MMS22L: variants seen among roughly 807,000 people sequenced by gnomAD.
MMS22L encodes the protein MMS22 like, DNA repair protein, also known as protein MMS22-like.
Under a neutral mutation model 159.1 loss-of-function variants are expected in MMS22L, and 74 were observed. That is an observed-to-expected ratio of 0.47 (90% confidence interval 0.39 to 0.56). The LOEUF (loss-of-function observed/expected upper bound fraction) is 0.56, where lower values mean the gene tolerates loss of function less well. MMS22L is among the 20% of genes least tolerant of loss of function. MMS22L has a pLI of 0.00. For synonymous variants in MMS22L, 517 were observed against 506.9 expected (o/e 1.02, Z -0.27); for missense variants, 1,351 against 1,422.1 (o/e 0.95, Z 0.80).
intron 22 of MMS22L, among the ~76,000 whole-genome samples, chr6:97,153,711 A>G (rs927068958): frequency 1.5e-4 from 23 of 152,134 alleles, no homozygotes; most frequent in African/African-American, 5.3e-4. Context: ...TTTCAAATAA[A>G]TGAAATAATA....
intron 9 of MMS22L, chr6:97,259,105 C>CAT (rs1297312366): frequency 2.0e-5 from 3 of 152,120 alleles, no homozygotes; most frequent in East Asian, 1.9e-4. Context: ...CAATTGAACA[C>CAT]ATATATATAC....
intron 9 of MMS22L, among the ~76,000 whole-genome samples, chr6:97,255,631 T>C (rs1813716245): frequency 2.0e-5 from 3 of 152,212 alleles, no homozygotes; most frequent in East Asian, 1.9e-4. Flanking sequence ...TTCCCTCTAA[T>C]TATAACTTTT....
chr6:97,173,493 A>G (rs745525660), intron 18 of MMS22L, among the ~76,000 whole-genome samples: 1 of 152,144 alleles, frequency 6.6e-6, no homozygotes, highest in South Asian at 2.1e-4. Context: ...TTAGCAAAAT[A>G]TCAGTGAAAA....
At chr6:97,272,550 A>C in intron 6 of MMS22L, 154 bp downstream of exon 6, 1 of 624,696 alleles carries the variant, frequency 1.6e-6, no homozygotes, top group East Asian at 2.8e-5. Context: ...CCAAAAGCAC[A>C]CAATTAATAA....
In MMS22L at chr6:97,178,548, T is replaced by A. The variant is rs142735927; in HGVS notation, c.2574A>T (p.Arg858Ser). 1.9e-4 allele frequency: 296 copies of A among 1,565,574 alleles called. 1 individual carries two copies. The African/African-American group carries it at 3.5e-3, about 19-fold the overall frequency. Reference protein sequence around the residue: ...EYMKQLVKLTRLLFNLSEVKS... With the variant: ...EYMKQLVKLTSLLFNLSEVKS... ...TTACTTCTGAGAGATTAAATAGTAATCTTGTCAGTTTGACCAACTGTTTCA... is the reference window on the plus strand; with the variant it reads ...TTACTTCTGAGAGATTAAATAGTAAACTTGTCAGTTTGACCAACTGTTTCA... Residue 858 changes from arginine to serine, a missense_variant, in exon 18 of 25, where the codon AGA (arginine) becomes AGT (serine). Arg to Ser is a moderately radical substitution (Grantham distance 110). Transcript: ENST00000683635.
intron 7 of MMS22L, among the ~76,000 whole-genome samples, chr6:97,268,340 T>A (rs545195486): frequency 6.6e-6 from 1 of 151,854 alleles, no homozygotes. Flanking sequence ...ACCCGCCACC[T>A]CACCTGGCTA....
At chr6:97,161,136 A>AT (rs973644889) in intron 22 of MMS22L, among the ~76,000 whole-genome samples, 3 of 151,854 alleles carry the variant, frequency 2.0e-5, no homozygotes, top group African/African-American at 7.3e-5. Context: ...ATGTCCTGTA[A>AT]TTTTTTGGTG....
intron 16 of MMS22L, among the ~76,000 whole-genome samples, chr6:97,180,434 G>C (rs1485804735): frequency 6.6e-6 from 1 of 152,110 alleles, no homozygotes; most frequent in Non-Finnish European, 1.5e-5. Flanking sequence ...TCATTAGTCA[G>C]GGTAGAGAGG....
intron 14 of MMS22L, among the ~76,000 whole-genome samples, chr6:97,202,217 AAC>A (rs1447071046): frequency 6.6e-6 from 1 of 152,204 alleles, no homozygotes; most frequent in Non-Finnish European, 1.5e-5. Flanking sequence ...TATCCTAAAT[AAC>A]AGTTTACTAT....
At chr6:97,173,444 C>T (rs1623056) in intron 18 of MMS22L, among the ~76,000 whole-genome samples, 82,437 of 151,384 alleles carry the variant, frequency 0.54, 23,278 homozygotes, top group African/African-American at 0.7. Flanking sequence ...AGGAAGAAAT[C>T]TTAAAAACTC....
chr6:97,171,979 C>T (rs536777590), intron 19 of MMS22L, among the ~76,000 whole-genome samples: 1 of 152,200 alleles, frequency 6.6e-6, no homozygotes, highest in African/African-American at 2.4e-5. Flanking sequence ...GGAAAGAATA[C>T]AGATCTGCGC....
At chr6:97,197,710 G>A (rs1033241629) in intron 14 of MMS22L, among the ~76,000 whole-genome samples, 4 of 152,202 alleles carry the variant, frequency 2.6e-5, no homozygotes, top group East Asian at 1.9e-4. Context: ...CTCAGGCCGG[G>A]GGGCAGTTAG....
rs1239181884 is a variant in MMS22L, at chr6:97,228,918, AG to A, written c.2014del (p.Leu672TyrfsTer54). 1 of 1,613,604 alleles carries A rather than the reference AG, an allele frequency of 6.2e-7. No homozygotes were observed. Among genetic ancestry groups the A allele is most frequent in the Non-Finnish European group, 8.5e-7 (1 of 1,179,670 alleles). ...CCTGATTCTGGCCAGAACAGCTTGTAGGAAGCTCAATACTGTCCTAAGTTCA... is the reference window on the plus strand; with the variant it reads ...CCTGATTCTGGCCAGAACAGCTTGTAGAAGCTCAATACTGTCCTAAGTTCA... ...ESELRTVLSF[L>X]QAVLARIRSM... On this transcript the variant is annotated frameshift_variant, in exon 14 of 25. Coordinates refer to ENST00000683635, the MANE Select transcript of MMS22L (RefSeq NM_001350599.2). LOFTEE classifies it high-confidence loss of function.
chr6:97,246,602 C>T, intron 11 of MMS22L, 26 bp downstream of exon 11: 1 of 1,572,056 alleles, frequency 6.4e-7, no homozygotes, highest in Non-Finnish European at 8.6e-7. Context: ...GCAAAATCCA[C>T]AAACTGTCTT....
chr6:97,218,165 A>G (rs1428307126), intron 14 of MMS22L, among the ~76,000 whole-genome samples: 1 of 152,200 alleles, frequency 6.6e-6, no homozygotes. Flanking sequence ...GAATTTTTCA[A>G]TAACACCGAA....
chr6:97,215,290 G>A (rs1339797497), intron 14 of MMS22L, among the ~76,000 whole-genome samples: 1 of 151,976 alleles, frequency 6.6e-6, no homozygotes, highest in Non-Finnish European at 1.5e-5. Context: ...CTGCACAGTA[G>A]TTAGCTGCTG....
intron 14 of MMS22L, among the ~76,000 whole-genome samples, chr6:97,209,419 T>C (rs1808136523): frequency 1.3e-5 from 2 of 151,946 alleles, no homozygotes; most frequent in Non-Finnish European, 2.9e-5. Flanking sequence ...ATATCCTATC[T>C]AGTACCGGTA....
rs779210091 is a variant in MMS22L, at chr6:97,254,549, A to G, written c.1119+8T>C. The G allele has an allele frequency of 3.1e-6, 5 of 1,608,932 alleles. No homozygotes were observed. The East Asian group carries it at 1.1e-4, about 36-fold the overall frequency. ...ATATAAGAAAGTTTTTAAAAAATGA[A>G]GTCTTACCATTTCATCTGGTACTCC... On this transcript the variant is annotated splice_region_variant and intron_variant, in intron 10 of 24. Coordinates refer to ENST00000683635, the MANE Select transcript of MMS22L (RefSeq NM_001350599.2).
At chr6:97,269,780 C>G in intron 7 of MMS22L, 122 bp downstream of exon 7, 1 of 663,686 alleles carries the variant, frequency 1.5e-6, no homozygotes, top group Non-Finnish European at 2.4e-6. Flanking sequence ...ACTTTTACTT[C>G]ATACTTTGTT....
Sources: allele counts gnomAD v4.1 joint callset (sites outside exome capture counted in the v4.1 genomes callset), GRCh38; gene constraint gnomAD v4.1.1; transcripts MANE v1.5; gene names NCBI Gene and HGNC (gene_info 2026-07-23, HGNC 2026-07-21).